The following NFAM1 variants were observed in gnomAD, a reference collection of about 807,000 sequenced individuals.
NFAM1 encodes NFAT activation molecule 1.
In NFAM1, 17 loss-of-function variants were observed where a neutral mutation model predicts 29.0. The ratio of observed to expected loss-of-function variants is 0.59; its 90% CI spans 0.40 to 0.88. The LOEUF is 0.88. Among genes scored for constraint, NFAM1 ranks in the 40% least tolerant of loss-of-function variants. The probability of loss-of-function intolerance (pLI) is 0.00; values close to 1 mark genes in which losing one functional copy is unlikely to be tolerated. For synonymous variants in NFAM1, 175 were observed against 147.2 expected, an observed-to-expected ratio of 1.19 and a Z score of -1.36; for missense variants, 324 against 344.6, an observed-to-expected ratio of 0.94 and a Z score of 0.47.
At chr22:42,392,080 A>C (rs963061130) in intron 4 of NFAM1, among the ~76,000 whole-genome samples, 2 of 152,106 alleles carry the variant, frequency 1.3e-5, no homozygotes, top group Non-Finnish European at 2.9e-5. Flanking sequence ...GTCAGGATAT[A>C]GATGGTCTTC....
At position 42,385,335 on chromosome 22, in the gene NFAM1, C is replaced by T. The variant is rs1290537711; in HGVS notation, c.754-115G>A. The T allele has an allele frequency of 7.7e-6, 6 of 775,742 alleles. No homozygotes were observed. In the South Asian group the frequency reaches 8.5e-5, roughly 11 times the overall value. The allele number at this position is 775,742 out of a possible 1,614,324, so 48.1% of individuals were successfully genotyped here. On this transcript the variant is annotated intron_variant, in intron 5 of 5. Coordinates refer to ENST00000329021, the MANE Select transcript of NFAM1 (RefSeq NM_145912.8). ...GGGCAACAGATCACTTCCTGTGTAG[C>T]TTTGATGGGGGGCCTGCCCTCTGTC... is the stretch of plus-strand genomic sequence containing the variant.
rs1206555560 is a variant in NFAM1 at position 42,382,570 on chromosome 22, C to T, written c.*2591G>A. 6.6e-6 allele frequency: 1 copy of T among 152,446 alleles called. No homozygotes were observed. Among genetic ancestry groups the T allele is most frequent in the Admixed American group, 6.5e-5 (1 of 15,280 alleles). 9.4% of individuals were successfully genotyped at this position (152,446 alleles called of 1,614,324 possible). A position where few individuals can be genotyped will look rare whatever the true frequency, so the allele number is the denominator to read the frequency against. On this transcript the variant is annotated 3_prime_UTR_variant, in exon 6 of 6. Coordinates refer to ENST00000329021, the MANE Select transcript of NFAM1 (RefSeq NM_145912.8). The stretch of plus-strand genomic sequence containing the variant: ...CCAGGAGCTCCCATTCATACCCTCT[C>T]TGTCCCCTCTCTGTTCTTCCTCCTC...
At chr22:42,385,942 G>A (rs1202793478) in intron 5 of NFAM1, among the ~76,000 whole-genome samples, 3 of 152,200 alleles carry the variant, frequency 2.0e-5, no homozygotes, top group African/African-American at 7.2e-5. Context: ...TGTTCTGGCT[G>A]AACAACGCCT....
Position 42,432,385 on chromosome 22 carries a change from C to G in NFAM1, c.-28G>C, listed in dbSNP as rs745311082. The stretch of plus-strand genomic sequence containing the variant: ...GGGGGCCTGCTTGTCTGCGGCGACT[C>G]TTTAGTTCACAGGAGGGGACGGCCG... On this transcript the variant is annotated 5_prime_UTR_variant, in exon 1 of 6. Coordinates refer to ENST00000329021, the MANE Select transcript of NFAM1 (RefSeq NM_145912.8). 53 of 1,538,320 alleles carry G rather than the reference C, an allele frequency of 3.4e-5. 1 individual carries two copies. In the Admixed American group the frequency reaches 4.3e-4, roughly 12 times the overall value.
chr22:42,406,767 C>T (rs1375886348), intron 3 of NFAM1, among the ~76,000 whole-genome samples: 1 of 152,104 alleles, frequency 6.6e-6, no homozygotes, highest in Non-Finnish European at 1.5e-5. Context: ...AACAGATTTC[C>T]TTTCTTTTCT....
rs1928922424 is a variant in NFAM1 at position 42,380,878 on chromosome 22, G to A, written c.*4283C>T. 1 of 152,490 alleles carries A rather than the reference G, an allele frequency of 6.6e-6. No individual in the cohort carries two copies. The highest frequency in any genetic ancestry group is 1.5e-5 in the Non-Finnish European group (1 of 68,040). 9.4% of individuals were successfully genotyped at this position (152,490 alleles called of 1,614,324 possible). The stretch of plus-strand genomic sequence containing the variant: ...TGAGTTCAGGTTTGTGACACTGGGT[G>A]GCCAAAGAGCACTGCCTACCCTGGC... On this transcript the variant is annotated 3_prime_UTR_variant, in exon 6 of 6. Transcript: ENST00000329021.
chr22:42,384,779 T>C lies in NFAM1; in HGVS notation c.*382A>G. ...TCCTCCCTCAGCTCAGAGGCTGCCCTACTGGCTGAGGTGCAGGCTGGTGCC... is the reference window on the plus strand; with the variant it reads ...TCCTCCCTCAGCTCAGAGGCTGCCCCACTGGCTGAGGTGCAGGCTGGTGCC... On this transcript the variant is annotated 3_prime_UTR_variant, in exon 6 of 6. Coordinates refer to ENST00000329021, the MANE Select transcript of NFAM1 (RefSeq NM_145912.8). The C allele has an allele frequency of 1.0e-5, 3 of 289,326 alleles. No individual in the cohort carries two copies. Among genetic ancestry groups the C allele is most frequent in the Non-Finnish European group, 2.0e-5 (3 of 149,256 alleles). 17.9% of individuals were successfully genotyped at this position (289,326 alleles called of 1,614,324 possible).
intron 3 of NFAM1, among the ~76,000 whole-genome samples, chr22:42,398,978 G>A (rs1170188438): frequency 2.0e-5 from 3 of 152,182 alleles, no homozygotes; most frequent in Non-Finnish European, 4.4e-5. Context: ...TGATTGCCAG[G>A]CACAGAGCCT....
intron 2 of NFAM1, among the ~76,000 whole-genome samples, chr22:42,411,005 ATTTCT>A (rs1299087537): frequency 1.6e-5 from 2 of 121,986 alleles, no homozygotes; most frequent in African/African-American, 3.3e-5. Flanking sequence ...ACCATTCTCT[ATTTCT>A]TTTCTTTTCT....
chr22:42,415,698 C>T (rs1031800577), intron 1 of NFAM1, among the ~76,000 whole-genome samples: 2 of 152,208 alleles, frequency 1.3e-5, no homozygotes, highest in African/African-American at 4.8e-5. Flanking sequence ...CCAGAGGCCC[C>T]TTCAGGGGTG....
chr22:42,392,278 T>C (rs1929370431), intron 4 of NFAM1, among the ~76,000 whole-genome samples: 1 of 152,022 alleles, frequency 6.6e-6, no homozygotes, highest in African/African-American at 2.4e-5. Context: ...GTGTGGAATG[T>C]TCTGGAAGCA....
rs533482109 is a variant in NFAM1, at chr22:42,419,175, T to C, written c.122-7439A>G. 1.8e-4 allele frequency among the ~76,000 whole-genome samples: 27 copies of C among 152,040 alleles called. No individual in the cohort carries two copies. The highest frequency in any genetic ancestry group is 3.8e-4 in the Non-Finnish European group (26 of 67,990). ...GCAGCTTTCCTGTGGATCACTGATG[T>C]TCAGGATCAGACCTGCCCACCACCT... is the stretch of plus-strand genomic sequence containing the variant. On this transcript the variant is annotated intron_variant, in intron 1 of 5. Transcript: ENST00000329021. The surrounding 1 kb of genome is among the most constrained non-coding windows in gnomAD (Gnocchi z 4.5).
chr22:42,422,245 T>C (rs1217429832), intron 1 of NFAM1, among the ~76,000 whole-genome samples: 1 of 152,146 alleles, frequency 6.6e-6, no homozygotes, highest in Non-Finnish European at 1.5e-5. Context: ...GTCCAAGGTT[T>C]GAATCGGGAA....
At chr22:42,430,277 A>C (rs1016821666) in intron 1 of NFAM1, among the ~76,000 whole-genome samples, 3 of 129,596 alleles carry the variant, frequency 2.3e-5, no homozygotes, top group African/African-American at 5.9e-5. Flanking sequence ...AAATAAAAAC[A>C]GGACGGGCAC....
intron 1 of NFAM1, among the ~76,000 whole-genome samples, chr22:42,430,093 T>C (rs1204656919): frequency 6.6e-6 from 1 of 151,436 alleles, no homozygotes; most frequent in Non-Finnish European, 1.5e-5. Flanking sequence ...TGAGTCTCTA[T>C]CTCTACGAAA....
intron 1 of NFAM1, among the ~76,000 whole-genome samples, chr22:42,424,665 G>A (rs1217891166): frequency 6.6e-6 from 1 of 152,042 alleles, no homozygotes; most frequent in Admixed American, 6.6e-5. Flanking sequence ...ACGCAAGAAA[G>A]TTCTCGGGTA....
Position 42,419,339 on chromosome 22 carries a change from C to A in NFAM1, c.122-7603G>T, listed in dbSNP as rs184570978. Reference sequence around the variant, plus strand: ...CCTGCCCTGCCTGAACCGGCAGGGGCTCCCTGCTGGAGGAGACCCAGGAAG... The same window carrying A: ...CCTGCCCTGCCTGAACCGGCAGGGGATCCCTGCTGGAGGAGACCCAGGAAG... On this transcript the variant is annotated intron_variant, in intron 1 of 5. Transcript: ENST00000329021. The surrounding 1 kb of genome is among the most constrained non-coding windows in gnomAD (Gnocchi z 4.5). 5.3e-5 allele frequency among the ~76,000 whole-genome samples: 8 copies of A among 152,230 alleles called. No individual in the cohort carries two copies. In the East Asian group the frequency reaches 1.5e-3, roughly 29 times the overall value.
intron 5 of NFAM1, 146 bp from the exon 6 acceptor site, chr22:42,385,366 G>A: frequency 1.5e-6 from 1 of 671,856 alleles, no homozygotes; most frequent in Non-Finnish European, 2.7e-6. Context: ...CTGTCTCCAA[G>A]CCCACCTCCC....
chr22:42,401,284 C>T (rs925154932), intron 3 of NFAM1, among the ~76,000 whole-genome samples: 19 of 152,166 alleles, frequency 1.2e-4, no homozygotes, highest in African/African-American at 4.6e-4. Context: ...CATGGATGCA[C>T]AGAAGAATGG....
Sources: gnomAD v4.1 joint callset for allele counts (sites outside exome capture counted in the v4.1 genomes callset) on GRCh38, gnomAD v4.1.1 for gene constraint, Gnocchi (gnomAD v3.1) non-coding constraint, MANE v1.5 for transcripts, NCBI Gene and HGNC (gene_info 2026-07-23, HGNC 2026-07-21) for gene names.